MECOM: variants seen among roughly 807,000 people sequenced by gnomAD.
MECOM encodes MDS1 and EVI1 complex locus.
Under a neutral mutation model 116.3 loss-of-function variants are expected in MECOM, and 13 were observed. The observed-to-expected ratio is 0.11, with a 90% CI of 0.07 to 0.18. MECOM has a LOEUF of 0.18. Ranked by LOEUF, MECOM falls within the 10% of genes least tolerant of loss-of-function variation. The pLI is 1.00. For synonymous variants in MECOM, 528 were observed against 535.2 expected (o/e 0.99, Z 0.19); for missense variants, 1,299 against 1,509.0 (o/e 0.86, Z 2.31).
chr3:169,358,320 A>G (rs976514815), intron 2 of MECOM, among the ~76,000 whole-genome samples: 1 of 151,736 alleles, frequency 6.6e-6, no homozygotes, highest in African/African-American at 2.4e-5. Flanking sequence ...ACACATCTCA[A>G]TGACCAAAGG....
intron 2 of MECOM, among the ~76,000 whole-genome samples, chr3:169,257,279 G>T (rs896644264): frequency 1.3e-5 from 2 of 152,166 alleles, no homozygotes; most frequent in Non-Finnish European, 2.9e-5. Context: ...TTTCCACTTT[G>T]TGAGTAATAC....
chr3:169,511,258 A>G (rs367607173), intron 1 of MECOM, among the ~76,000 whole-genome samples: 8 of 152,192 alleles, frequency 5.3e-5, no homozygotes, highest in African/African-American at 1.9e-4. Context: ...ACTATCACAT[A>G]CAACCCATTC....
rs754263328 is a variant in MECOM at position 169,084,918 on chromosome 3, G to C, written c.3711C>G (p.Ser1237Arg). The C allele has an allele frequency of 6.2e-7, 1 of 1,614,022 alleles. No individual in the cohort carries two copies. ...AAESSAIQSI[S>R]HV ...GTCAACCTTGATAACGTCATACGTG[G>C]CTTATGGACTGGATAGCACTGGATT... The change falls in exon 17 of 17, where the codon AGC (serine) becomes AGG (arginine). Residue 1237 changes from serine to arginine, a missense_variant. Physicochemically the swap from Ser to Arg is moderately radical, Grantham distance 110. Coordinates refer to ENST00000651503, the MANE Select transcript of MECOM (RefSeq NM_004991.4).
chr3:169,631,758 C>T (rs1387399792), intron 1 of MECOM, among the ~76,000 whole-genome samples: 5 of 151,746 alleles, frequency 3.3e-5, no homozygotes, highest in Non-Finnish European at 7.4e-5. Context: ...GATGATTTTA[C>T]ATTTGCACTT....
intron 1 of MECOM, among the ~76,000 whole-genome samples, chr3:169,490,297 A>T (rs1752928033): frequency 6.6e-6 from 1 of 152,200 alleles, no homozygotes; most frequent in Admixed American, 6.5e-5. Flanking sequence ...TTAGGTGGCA[A>T]AGTTAAAAAT....
At chr3:169,337,955 G>A (rs1427777271) in intron 2 of MECOM, among the ~76,000 whole-genome samples, 1 of 152,094 alleles carries the variant, frequency 6.6e-6, no homozygotes, top group Non-Finnish European at 1.5e-5. Context: ...TTTCAATACT[G>A]TTTACCAAAG....
rs188252106 is a variant in MECOM at position 169,418,074 on chromosome 3, T to A, written c.38-36550A>T. On this transcript the variant is annotated intron_variant, in intron 1 of 16. Coordinates refer to ENST00000651503, the MANE Select transcript of MECOM (RefSeq NM_004991.4). ...TATACATATGTAACTAACCTGCACA[T>A]TGTGCACATGTACCCTAAAACTTAA... is the stretch of plus-strand genomic sequence containing the variant. Among the ~76,000 whole-genome samples the A allele has an allele frequency of 3.6e-4, 55 of 151,164 alleles. No individual in the cohort carries two copies. In the East Asian group the frequency reaches 0.01, roughly 28 times the overall value.
chr3:169,285,661 A>T (rs747078327), intron 2 of MECOM, among the ~76,000 whole-genome samples: 1 of 152,162 alleles, frequency 6.6e-6, no homozygotes, highest in African/African-American at 2.4e-5. Context: ...AAATATTCTG[A>T]TTAGTTAAGA....
chr3:169,434,222 G>T (rs1297581303), intron 1 of MECOM, among the ~76,000 whole-genome samples: 1 of 152,078 alleles, frequency 6.6e-6, no homozygotes, highest in African/African-American at 2.4e-5. Flanking sequence ...ACATTCTGGG[G>T]AAAATAAGCA....
chr3:169,324,254 T>A (rs1367671979), intron 2 of MECOM, among the ~76,000 whole-genome samples: 1 of 152,198 alleles, frequency 6.6e-6, no homozygotes, highest in Non-Finnish European at 1.5e-5. Context: ...CCCAGTTTAC[T>A]GATGAGGAAA....
intron 2 of MECOM, among the ~76,000 whole-genome samples, chr3:169,238,764 G>A (rs1167728464): frequency 6.6e-6 from 1 of 152,136 alleles, no homozygotes; most frequent in Non-Finnish European, 1.5e-5. Flanking sequence ...GGAAATTTCA[G>A]TTTGAATATT....
chr3:169,184,474 C>T lies in MECOM; in HGVS notation c.376-40642G>A, dbSNP rs116525900. Among the ~76,000 whole-genome samples, 319 of 152,278 alleles carry T rather than the reference C, an allele frequency of 2.1e-3. 2 individuals carry two copies. Among genetic ancestry groups the T allele is most frequent in the African/African-American group, 7.2e-3 (300 of 41,554 alleles). ...CGGAGGGCCATGTATATCAGTCTAA[C>T]AAGGCTGGCTTTCTAATTTTCAAAA... On this transcript the variant is annotated intron_variant, in intron 2 of 16. Coordinates refer to ENST00000651503, the MANE Select transcript of MECOM (RefSeq NM_004991.4).
intron 2 of MECOM, among the ~76,000 whole-genome samples, chr3:169,346,853 G>A (rs1725450659): frequency 6.6e-6 from 1 of 152,118 alleles, no homozygotes; most frequent in African/African-American, 2.4e-5. Context: ...TGGAAAATTG[G>A]CAGAACCTGA....
In MECOM at chr3:169,381,214, G is replaced by A; in HGVS notation, c.348C>T (p.Asn116=). 1 of 1,610,608 alleles carries A rather than the reference G, an allele frequency of 6.2e-7. No individual in the cohort carries two copies. Among genetic ancestry groups the A allele is most frequent in the Non-Finnish European group, 8.5e-7 (1 of 1,177,198 alleles). The stretch of plus-strand genomic sequence containing the variant: ...CCCATCCATAACTGGGGTCTTTCAG[G>A]TTTGACCTCTGCTCTCCCACATAAG... ...FGPYVGEQRS[N]LKDPSYGWEI... is the part of the protein sequence containing the mutation. Residue 116 remains asparagine (N), a synonymous_variant, in exon 2 of 17, where the codon AAC becomes AAT. Transcript: ENST00000651503.
At chr3:169,342,855 T>C (rs1031527481) in intron 2 of MECOM, among the ~76,000 whole-genome samples, 2 of 152,146 alleles carry the variant, frequency 1.3e-5, no homozygotes, top group Non-Finnish European at 2.9e-5. Context: ...ATCTAGGCCC[T>C]GGTACTTACT....
intron 1 of MECOM, among the ~76,000 whole-genome samples, chr3:169,403,094 A>G (rs1736144854): frequency 6.6e-6 from 1 of 152,194 alleles, no homozygotes; most frequent in Non-Finnish European, 1.5e-5. Context: ...TATGCAGGAA[A>G]TCCTGCAAAA....
chr3:169,531,068 A>C (rs1325396755), intron 1 of MECOM, among the ~76,000 whole-genome samples: 1 of 152,118 alleles, frequency 6.6e-6, no homozygotes, highest in Non-Finnish European at 1.5e-5. Flanking sequence ...TGTGGGTCCC[A>C]TCCCTGATCA....
chr3:169,570,941 C>A (rs9875484), intron 1 of MECOM, among the ~76,000 whole-genome samples: 1 of 151,912 alleles, frequency 6.6e-6, no homozygotes, highest in Non-Finnish European at 1.5e-5. Flanking sequence ...GACAAGGATG[C>A]CCTCTCTCAC....
intron 2 of MECOM, among the ~76,000 whole-genome samples, chr3:169,260,747 T>C (rs1757434225): frequency 6.6e-6 from 1 of 152,224 alleles, no homozygotes; most frequent in African/African-American, 2.4e-5. Context: ...ATTTTTCTAC[T>C]TTTGGGTCAA....
Sources: allele counts gnomAD v4.1 joint callset (sites outside exome capture counted in the v4.1 genomes callset), GRCh38; gene constraint gnomAD v4.1.1; transcripts MANE v1.5; gene names NCBI Gene and HGNC (gene_info 2026-07-23, HGNC 2026-07-21).